Variants in PCDH15 observed in about 807,000 individuals in gnomAD.
The protein encoded by PCDH15 is protocadherin related 15, also known as protocadherin-15.
A neutral mutation model predicts 178.5 loss-of-function variants in PCDH15; 129 were observed. The observed-to-expected ratio is 0.72, with a 90% confidence interval of 0.63 to 0.84. PCDH15 has a LOEUF of 0.84. PCDH15 is among the 40% of genes least tolerant of loss of function. PCDH15 has a pLI of 0.00. For synonymous variants in PCDH15, 800 were observed against 732.0 expected (o/e 1.09, Z -1.50); for missense variants, 2,230 against 2,099.9 (o/e 1.06, Z -1.21).
At chr10:53,977,804 C>T (rs1425639510) in intron 21 of PCDH15, among the ~76,000 whole-genome samples, 1 of 152,150 alleles carries the variant, frequency 6.6e-6, no homozygotes, top group African/African-American at 2.4e-5. Context: ...GGTAAATACA[C>T]CCATTCCAAA....
intron 2 of PCDH15, among the ~76,000 whole-genome samples, chr10:54,926,570 C>T (rs1837632744): frequency 6.6e-6 from 1 of 151,816 alleles, no homozygotes; most frequent in Admixed American, 6.6e-5. Context: ...AGCTTTGAAT[C>T]TGGCTGGTGC....
chr10:54,698,317 A>G (rs1177341254), intron 1 of PCDH15, among the ~76,000 whole-genome samples: 1 of 152,162 alleles, frequency 6.6e-6, no homozygotes, highest in Non-Finnish European at 1.5e-5. Context: ...TCACAGATAC[A>G]GTGACATGGG....
chr10:54,571,251 G>C (rs2089788515), intron 2 of PCDH15, among the ~76,000 whole-genome samples: 1 of 150,282 alleles, frequency 6.7e-6, no homozygotes, highest in African/African-American at 2.5e-5. Flanking sequence ...GCTTAAAAGA[G>C]CAGAGATCTT....
chr10:55,096,397 G>A (rs996343533), intron 2 of PCDH15, among the ~76,000 whole-genome samples: 1 of 152,046 alleles, frequency 6.6e-6, no homozygotes, highest in African/African-American at 2.4e-5. Context: ...TGTACAACAT[G>A]ATGTTTTGAT....
intron 2 of PCDH15, among the ~76,000 whole-genome samples, chr10:55,071,412 C>G (rs1260754091): frequency 2.0e-5 from 3 of 151,786 alleles, no homozygotes; most frequent in African/African-American, 7.3e-5. Context: ...ATCTACCAAG[C>G]AAATGGAAAA....
intron 9 of PCDH15, among the ~76,000 whole-genome samples, chr10:54,224,307 C>A (rs1385476047): frequency 6.6e-6 from 1 of 151,958 alleles, no homozygotes; most frequent in Non-Finnish European, 1.5e-5. Context: ...TTGTGAAAAC[C>A]TTTTAATGAA....
At chr10:55,150,411 A>T (rs1838676554) in intron 2 of PCDH15, among the ~76,000 whole-genome samples, 1 of 152,168 alleles carries the variant, frequency 6.6e-6, no homozygotes, top group Non-Finnish European at 1.5e-5. Flanking sequence ...CAAAATAAAG[A>T]GTAATTGAAA....
At chr10:54,944,269 C>G (rs572696313) in intron 2 of PCDH15, among the ~76,000 whole-genome samples, 1 of 152,046 alleles carries the variant, frequency 6.6e-6, no homozygotes, top group Non-Finnish European at 1.5e-5. Context: ...TTCCCCACAG[C>G]CTGCATCTGA....
intron 2 of PCDH15, among the ~76,000 whole-genome samples, chr10:55,487,539 A>G (rs1840321620): frequency 6.6e-6 from 1 of 151,554 alleles, no homozygotes. Context: ...CTATTTAAGC[A>G]TTTTATAGCC....
At chr10:55,092,395 T>C (rs1454823628) in intron 2 of PCDH15, among the ~76,000 whole-genome samples, 2 of 151,882 alleles carry the variant, frequency 1.3e-5, no homozygotes, top group Non-Finnish European at 2.9e-5. Flanking sequence ...TTATCTTTCA[T>C]GAAAACTTGA....
intron 2 of PCDH15, among the ~76,000 whole-genome samples, chr10:55,435,553 T>C (rs1384278158): frequency 6.6e-6 from 1 of 152,070 alleles, no homozygotes; most frequent in Non-Finnish European, 1.5e-5. Context: ...AAAACACAGA[T>C]CAGGGAAACT....
chr10:54,930,314 T>C (rs1837740315), intron 2 of PCDH15, among the ~76,000 whole-genome samples: 1 of 152,098 alleles, frequency 6.6e-6, no homozygotes, highest in Admixed American at 6.6e-5. Context: ...CTCAAGCCAG[T>C]CTATAAAACC....
chr10:54,132,841 A>G, intron 15 of PCDH15, 34 bp downstream of exon 15: 1 of 950,646 alleles, frequency 1.1e-6, no homozygotes, highest in African/African-American at 2.9e-5. Flanking sequence ...TAGAATTTAT[A>G]CACACACACA....
intron 2 of PCDH15, among the ~76,000 whole-genome samples, chr10:54,941,171 A>T (rs544344089): frequency 5.6e-4 from 85 of 152,050 alleles, no homozygotes; most frequent in African/African-American, 2.0e-3. Context: ...TTTACTTTTT[A>T]AAATTTTCTT....
intron 2 of PCDH15, among the ~76,000 whole-genome samples, chr10:55,339,518 A>C (rs1192264010): frequency 6.6e-6 from 1 of 152,212 alleles, no homozygotes; most frequent in Admixed American, 6.5e-5. Flanking sequence ...TGCATTAATC[A>C]ATGTATACAT....
intron 15 of PCDH15, among the ~76,000 whole-genome samples, chr10:54,111,852 C>A (rs894354187): frequency 6.6e-6 from 1 of 151,498 alleles, no homozygotes; most frequent in Admixed American, 6.6e-5. Context: ...CTTGGCCAGG[C>A]GTGGTGGCTC....
intron 3 of PCDH15, among the ~76,000 whole-genome samples, chr10:54,418,060 C>A (rs937488855): frequency 6.6e-6 from 1 of 151,788 alleles, no homozygotes; most frequent in African/African-American, 2.4e-5. Flanking sequence ...AGGTGCCCAG[C>A]CACTGTGCCC....
intron 14 of PCDH15, among the ~76,000 whole-genome samples, chr10:54,144,510 T>G (rs2043715316): frequency 6.6e-6 from 1 of 152,134 alleles, no homozygotes; most frequent in African/African-American, 2.4e-5. Flanking sequence ...TTCTTGCCCC[T>G]CCCTAGTTCT....
intron 1 of PCDH15, among the ~76,000 whole-genome samples, chr10:55,251,764 A>T (rs1269931977): frequency 3.3e-5 from 5 of 152,136 alleles, no homozygotes; most frequent in Admixed American, 1.3e-4. Flanking sequence ...TTTTGTCAGG[A>T]TACACTAGGT....
Sources: allele counts gnomAD v4.1 joint callset (sites outside exome capture counted in the v4.1 genomes callset), GRCh38; gene constraint gnomAD v4.1.1; transcripts MANE v1.5; gene names NCBI Gene and HGNC (gene_info 2026-07-23, HGNC 2026-07-21).